The following MARCHF1 variants were observed in gnomAD, a reference collection of about 807,000 sequenced individuals.
The protein encoded by MARCHF1 is membrane associated ring-CH-type finger 1, also known as E3 ubiquitin-protein ligase MARCHF1.
Under a neutral mutation model 54.2 loss-of-function variants are expected in MARCHF1, and 40 were observed. The ratio of observed to expected loss-of-function variants is 0.74; its 90% CI spans 0.57 to 0.96. The LOEUF is 0.96. Ranked by LOEUF, MARCHF1 falls within the 40% of genes least tolerant of loss-of-function variation. The pLI is 0.00. For synonymous variants in MARCHF1, 236 were observed against 236.3 expected, an observed-to-expected ratio of 1.00 and a Z score of 0.01; for missense variants, 586 against 656.5, an observed-to-expected ratio of 0.89 and a Z score of 1.17.
chr4:163,775,255 C>T lies in MARCHF1; in HGVS notation c.112-74392G>A, dbSNP rs543526184. ...ATGCTTTGCTTGCTTACTTCTTTCC[C>T]ATTTTTACTCATATGCCACTTTATC... On this transcript the variant is annotated intron_variant, in intron 4 of 9. Transcript: ENST00000514618. Among the ~76,000 whole-genome samples, 9 of 152,296 alleles carry T rather than the reference C, an allele frequency of 5.9e-5. No homozygotes were observed. The South Asian group carries it at 1.9e-3, about 32-fold the overall frequency.
chr4:164,092,103 G>C (rs1236771958), intron 2 of MARCHF1, among the ~76,000 whole-genome samples: 1 of 152,080 alleles, frequency 6.6e-6, no homozygotes, highest in Non-Finnish European at 1.5e-5. Context: ...GCTGTTGCTG[G>C]ATCTCTAACC....
At chr4:164,315,122 C>A (rs1208792182) in intron 1 of MARCHF1, among the ~76,000 whole-genome samples, 2 of 150,012 alleles carry the variant, frequency 1.3e-5, no homozygotes, top group Admixed American at 6.8e-5. Flanking sequence ...AAGCACCAAA[C>A]TTGTTTATGC....
chr4:164,172,657 C>T (rs913245340), intron 1 of MARCHF1, among the ~76,000 whole-genome samples: 1 of 152,016 alleles, frequency 6.6e-6, no homozygotes, highest in African/African-American at 2.4e-5. Flanking sequence ...TTTTTTGTGT[C>T]AGATTATTAT....
chr4:163,831,069 C>T lies in MARCHF1; in HGVS notation c.111+22952G>A, dbSNP rs187179452. On this transcript the variant is annotated intron_variant, in intron 4 of 9. Transcript: ENST00000514618. The stretch of plus-strand genomic sequence containing the variant: ...TGGTGGGTCAATAGGTATAGTTCTG[C>T]GAGTCTTTACAAAAAGCTCAGCCAA... Among the ~76,000 whole-genome samples the T allele has an allele frequency of 1.4e-4, 21 of 152,252 alleles. No homozygotes were observed. In the East Asian group the frequency reaches 3.9e-3, roughly 28 times the overall value.
intron 5 of MARCHF1, among the ~76,000 whole-genome samples, chr4:163,661,593 TAA>T (rs1292178709): frequency 6.6e-6 from 1 of 152,076 alleles, no homozygotes; most frequent in African/African-American, 2.4e-5. Flanking sequence ...TTTGATACTT[TAA>T]AAAGTTTTTA....
rs527399779 is a variant in MARCHF1 at position 164,038,259 on chromosome 4, C to T, written c.-247-49550G>A. ...CTGTAATCCCAGCACTTTGGGAGGC[C>T]GAGGCAGGTGGATCACAAGGTCAGG... On this transcript the variant is annotated intron_variant, in intron 2 of 9. Transcript: ENST00000514618. 3.3e-5 allele frequency among the ~76,000 whole-genome samples: 5 copies of T among 152,130 alleles called. No homozygotes were observed. The South Asian group carries it at 8.3e-4, about 25-fold the overall frequency.
At chr4:163,725,490 A>G (rs1745623623) in intron 4 of MARCHF1, among the ~76,000 whole-genome samples, 3 of 151,954 alleles carry the variant, frequency 2.0e-5, no homozygotes, top group Non-Finnish European at 4.4e-5. Context: ...AAAAAAAAAA[A>G]GTAATAATAA....
chr4:163,644,371 T>A (rs1742672968), intron 5 of MARCHF1, among the ~76,000 whole-genome samples: 1 of 152,142 alleles, frequency 6.6e-6, no homozygotes, highest in South Asian at 2.1e-4. Context: ...GCACCAGATT[T>A]ACCTAAAGTG....
intron 1 of MARCHF1, among the ~76,000 whole-genome samples, chr4:164,307,067 C>T (rs1447101115): frequency 6.6e-6 from 1 of 152,024 alleles, no homozygotes; most frequent in Non-Finnish European, 1.5e-5. Flanking sequence ...AAAAATATAA[C>T]TCTTGCTTGA....
chr4:164,239,746 A>C (rs3890821), intron 1 of MARCHF1, among the ~76,000 whole-genome samples: 24,309 of 152,146 alleles, frequency 0.16, 2,450 homozygotes, highest in Admixed American at 0.3. Flanking sequence ...ATCTCTCAAA[A>C]ACTTGAACAC....
At chr4:164,032,675 TG>T (rs1196530981) in intron 2 of MARCHF1, among the ~76,000 whole-genome samples, 2 of 152,332 alleles carry the variant, frequency 1.3e-5, no homozygotes, top group East Asian at 3.9e-4. Flanking sequence ...AGTTCTAATT[TG>T]ATTGCACTGT....
At chr4:164,094,244 A>G (rs549340443) in intron 2 of MARCHF1, among the ~76,000 whole-genome samples, 1 of 152,266 alleles carries the variant, frequency 6.6e-6, no homozygotes, top group African/African-American at 2.4e-5. Flanking sequence ...CTCAGTTACT[A>G]AAGGTATGCA....
chr4:163,889,647 C>T (rs1379854096), intron 3 of MARCHF1, among the ~76,000 whole-genome samples: 1 of 152,060 alleles, frequency 6.6e-6, no homozygotes, highest in Non-Finnish European at 1.5e-5. Flanking sequence ...CTGAACATCT[C>T]CTGCTTAAGT....
In MARCHF1 at chr4:163,795,771, C is replaced by A. The variant is rs918592612; in HGVS notation, c.111+58250G>T. Among the ~76,000 whole-genome samples, 10 of 152,148 alleles carry A rather than the reference C, an allele frequency of 6.6e-5. 1 individual carries two copies. In the East Asian group the frequency reaches 1.9e-3, roughly 29 times the overall value. On this transcript the variant is annotated intron_variant, in intron 4 of 9. Coordinates refer to ENST00000514618, the MANE Select transcript of MARCHF1 (RefSeq NM_001394959.1). Reference sequence around the variant, plus strand: ...ATGTGACAGTTGGGGCACTGGCCCCCACATGTAGTCAAAAATTTATGTATA... The same window carrying A: ...ATGTGACAGTTGGGGCACTGGCCCCAACATGTAGTCAAAAATTTATGTATA...
chr4:163,647,527 T>C (rs1560996232), intron 5 of MARCHF1, among the ~76,000 whole-genome samples: 1 of 151,970 alleles, frequency 6.6e-6, no homozygotes, highest in Non-Finnish European at 1.5e-5. Flanking sequence ...AAAACAAGTC[T>C]TAACAAATTT....
intron 4 of MARCHF1, among the ~76,000 whole-genome samples, chr4:163,754,186 C>T (rs1005795881): frequency 2.0e-4 from 31 of 152,140 alleles, no homozygotes; most frequent in African/African-American, 7.5e-4. Flanking sequence ...TAGCTCCAAA[C>T]TTATATTACT....
intron 4 of MARCHF1, among the ~76,000 whole-genome samples, chr4:163,764,307 A>T (rs1746913174): frequency 2.0e-5 from 3 of 152,064 alleles, no homozygotes; most frequent in African/African-American, 2.4e-5. Context: ...AGAGCCATTT[A>T]ATAAGATAAA....
At chr4:163,897,338 T>C (rs1750832882) in intron 3 of MARCHF1, among the ~76,000 whole-genome samples, 1 of 152,156 alleles carries the variant, frequency 6.6e-6, no homozygotes, top group Non-Finnish European at 1.5e-5. Context: ...CCTATCTCTG[T>C]CTAACTTAAA....
At chr4:163,571,526 G>A (rs935858471) in intron 8 of MARCHF1, among the ~76,000 whole-genome samples, 7 of 152,074 alleles carry the variant, frequency 4.6e-5, no homozygotes, top group African/African-American at 1.7e-4. Flanking sequence ...TATGAACAGA[G>A]TCCTCTCTTC....
Sources: allele counts gnomAD v4.1 joint callset (sites outside exome capture counted in the v4.1 genomes callset), GRCh38; gene constraint gnomAD v4.1.1; transcripts MANE v1.5; gene names NCBI Gene and HGNC (gene_info 2026-07-23, HGNC 2026-07-21).